The following AKT3 variants were observed in gnomAD, a reference collection of about 807,000 sequenced individuals.
AKT3 encodes RAC-gamma serine/threonine-protein kinase.
In AKT3, 15 loss-of-function variants were observed where a neutral mutation model predicts 65.3. That is an observed-to-expected ratio of 0.23 (90% CI 0.15 to 0.35). The LOEUF (loss-of-function observed/expected upper bound fraction) is 0.35, where lower values mean the gene tolerates loss of function less well. Ranked by LOEUF, AKT3 falls within the 10% of genes least tolerant of loss-of-function variation. The probability of loss-of-function intolerance (pLI) is 1.00; values close to 1 mark genes in which losing one functional copy is unlikely to be tolerated. For missense variants in AKT3, 243 were observed against 576.5 expected, an observed-to-expected ratio of 0.42 and a Z score of 5.92; for synonymous variants, 206 against 183.8, an observed-to-expected ratio of 1.12 and a Z score of -0.98.
chr1:243,783,887 G>A (rs538220007), intron 2 of AKT3, among the ~76,000 whole-genome samples: 1 of 152,050 alleles, frequency 6.6e-6, no homozygotes, highest in Non-Finnish European at 1.5e-5. Flanking sequence ...AAACCCATGG[G>A]AAAATGTACA....
chr1:243,541,551 T>C (rs1157890633), intron 12 of AKT3, among the ~76,000 whole-genome samples: 1 of 152,082 alleles, frequency 6.6e-6, no homozygotes, highest in East Asian at 1.9e-4. Context: ...GTTCCTTTTA[T>C]TGGAGAATAA....
intron 3 of AKT3, among the ~76,000 whole-genome samples, chr1:243,668,603 C>T (rs184007118): frequency 3.9e-4 from 59 of 152,140 alleles, no homozygotes; most frequent in Non-Finnish European, 1.5e-5. Flanking sequence ...AAGGACCAAC[C>T]TGAATTTAAT....
intron 2 of AKT3, among the ~76,000 whole-genome samples, chr1:243,787,752 A>G (rs1420006564): frequency 6.6e-6 from 1 of 152,156 alleles, no homozygotes. Context: ...TCAGGTTTCT[A>G]TGAATTTCAT....
chr1:243,693,252 A>T (rs1259400559), intron 3 of AKT3, among the ~76,000 whole-genome samples: 1 of 44,032 alleles, frequency 2.3e-5, no homozygotes, highest in Admixed American at 2.0e-4. Context: ...TGATATATAT[A>T]TATATATATA....
intron 2 of AKT3, among the ~76,000 whole-genome samples, chr1:243,762,406 T>A (rs1689545561): frequency 6.6e-6 from 1 of 152,098 alleles, no homozygotes; most frequent in African/African-American, 2.4e-5. Context: ...AATGTCAAAA[T>A]TATCTTTTTT....
chr1:243,598,678 AG>A (rs1161146062), intron 8 of AKT3, among the ~76,000 whole-genome samples: 1 of 152,194 alleles, frequency 6.6e-6, no homozygotes, highest in Non-Finnish European at 1.5e-5. Context: ...ATCAGAGCAC[AG>A]GAAGTTCCTT....
At chr1:243,684,521 T>C (rs1572166417) in intron 3 of AKT3, among the ~76,000 whole-genome samples, 1 of 152,226 alleles carries the variant, frequency 6.6e-6, no homozygotes, top group Non-Finnish European at 1.5e-5. Flanking sequence ...TATTCCATGG[T>C]ATGTATGTGC....
intron 12 of AKT3, among the ~76,000 whole-genome samples, chr1:243,515,019 A>G (rs1670259977): frequency 2.0e-5 from 3 of 152,160 alleles, no homozygotes; most frequent in Admixed American, 1.3e-4. Context: ...ATTTGCTTGT[A>G]TTTTAAAGAA....
At chr1:243,822,939 C>CA (rs1404727106) in intron 2 of AKT3, among the ~76,000 whole-genome samples, 1 of 152,104 alleles carries the variant, frequency 6.6e-6, no homozygotes, top group Non-Finnish European at 1.5e-5. Context: ...ATGAGGCCAG[C>CA]AACAACCTGA....
At chr1:243,765,079 C>A (rs1255165396) in intron 2 of AKT3, among the ~76,000 whole-genome samples, 1 of 151,982 alleles carries the variant, frequency 6.6e-6, no homozygotes, top group East Asian at 1.9e-4. Context: ...TACATCATTT[C>A]ACGGCTGTGT....
At chr1:243,835,156 T>C (rs2148458914) in intron 2 of AKT3, among the ~76,000 whole-genome samples, 1 of 152,292 alleles carries the variant, frequency 6.6e-6, no homozygotes, top group South Asian at 2.1e-4. Flanking sequence ...GGGATACTAT[T>C]CCGTCCATTA....
chr1:243,551,575 A>T (rs910870110), intron 11 of AKT3, among the ~76,000 whole-genome samples: 19 of 150,124 alleles, frequency 1.3e-4, no homozygotes, highest in Non-Finnish European at 1.9e-4. Context: ...ATATATATAT[A>T]ATATATATAT....
chr1:243,525,087 A>G (rs935905501), intron 12 of AKT3, among the ~76,000 whole-genome samples: 8 of 152,214 alleles, frequency 5.3e-5, no homozygotes, highest in African/African-American at 1.9e-4. Context: ...GCAGCCAAAG[A>G]GAAGAAGCCC....
intron 13 of AKT3, among the ~76,000 whole-genome samples, chr1:243,489,298 C>T (rs1023529866): frequency 2.0e-5 from 3 of 152,180 alleles, no homozygotes; most frequent in African/African-American, 7.2e-5. Flanking sequence ...AGTGCAGGAC[C>T]CAGAGAAGCG....
At chr1:243,677,418 T>C (rs920867488) in intron 3 of AKT3, among the ~76,000 whole-genome samples, 3 of 152,194 alleles carry the variant, frequency 2.0e-5, no homozygotes, top group Non-Finnish European at 2.9e-5. Flanking sequence ...TCTAAGCACA[T>C]ACAGACTGAA....
intron 3 of AKT3, among the ~76,000 whole-genome samples, chr1:243,686,667 T>A (rs1215943491): frequency 3.3e-4 from 16 of 48,432 alleles, no homozygotes; most frequent in African/African-American, 5.0e-4. Flanking sequence ...TTTTTTTTTT[T>A]TTTTTTTTTT....
At chr1:243,743,462 A>T (rs940744187) in intron 2 of AKT3, among the ~76,000 whole-genome samples, 5 of 152,230 alleles carry the variant, frequency 3.3e-5, no homozygotes, top group African/African-American at 1.2e-4. Context: ...TTTGAAATCA[A>T]TTCCATGGTT....
At chr1:243,823,838 T>C (rs1231200646) in intron 2 of AKT3, among the ~76,000 whole-genome samples, 1 of 152,224 alleles carries the variant, frequency 6.6e-6, no homozygotes, top group African/African-American at 2.4e-5. Flanking sequence ...CTGCCTAAAA[T>C]AATTTATAGA....
intron 11 of AKT3, among the ~76,000 whole-genome samples, chr1:243,550,728 G>A (rs1442792433): frequency 1.4e-5 from 2 of 145,316 alleles, no homozygotes; most frequent in African/African-American, 5.0e-5. Flanking sequence ...GGTGGATCAC[G>A]AGGTCAGGAG....
Sources: allele counts gnomAD v4.1 joint callset (sites outside exome capture counted in the v4.1 genomes callset), GRCh38; gene constraint gnomAD v4.1.1; transcripts MANE v1.5; gene names NCBI Gene and HGNC (gene_info 2026-07-23, HGNC 2026-07-21).